ATP8A2: variants seen among roughly 807,000 people sequenced by gnomAD.
ATP8A2 encodes the protein ATPase phospholipid transporting 8A2.
In ATP8A2, 100 loss-of-function variants were observed where a neutral mutation model predicts 165.6. The observed-to-expected ratio is 0.60, with a 90% CI of 0.51 to 0.71. ATP8A2 has a LOEUF of 0.71. Among genes scored for constraint, ATP8A2 ranks in the 30% least tolerant of loss-of-function variants. The probability of loss-of-function intolerance (pLI) is 0.00; values close to 1 mark genes in which losing one functional copy is unlikely to be tolerated. For missense variants in ATP8A2, 1,227 were observed against 1,479.5 expected (o/e 0.83, Z 2.80); for synonymous variants, 543 against 548.8 (o/e 0.99, Z 0.15).
At chr13:25,688,042 A>G (rs17685787) in intron 24 of ATP8A2, among the ~76,000 whole-genome samples, 15,899 of 151,834 alleles carry the variant, frequency 0.1, 947 homozygotes, top group East Asian at 0.26. Flanking sequence ...GTGGCTCACC[A>G]TACTTTACAG....
intron 2 of ATP8A2, among the ~76,000 whole-genome samples, chr13:25,505,918 G>A (rs1470868984): frequency 3.3e-5 from 5 of 152,206 alleles, no homozygotes; most frequent in East Asian, 3.9e-4. Context: ...CACAAGACCC[G>A]CGATAGAGAA....
intron 29 of ATP8A2, 89 bp from the exon 30 acceptor site, chr13:25,839,457 G>A (rs1393173624): frequency 8.9e-6 from 8 of 897,590 alleles, no homozygotes; most frequent in Non-Finnish European, 1.5e-5. Context: ...GCACGGCCAG[G>A]ATCCTTCACA....
In ATP8A2 at chr13:25,372,716, C is replaced by G. The variant is rs1214914616; in HGVS notation, c.76+428C>G. ...GCCGGCGGCCGGCACCGCTGTGCTG[C>G]AGAGCTCAAAAGCAGAGGGGGAAAA... On this transcript the variant is annotated intron_variant, in intron 1 of 36. Coordinates refer to ENST00000381655, the MANE Select transcript of ATP8A2 (RefSeq NM_016529.6). The surrounding 1 kb of genome is among the most constrained non-coding windows in gnomAD (Gnocchi z 4.8). Among the ~76,000 whole-genome samples, 1 of 152,214 alleles carries G rather than the reference C, an allele frequency of 6.6e-6. No homozygotes were observed. The highest frequency in any genetic ancestry group is 1.5e-5 in the Non-Finnish European group (1 of 68,036).
At position 25,551,493 on chromosome 13, in the gene ATP8A2, C is replaced by G. The variant is rs774697383; in HGVS notation, c.1047C>G (p.Ile349Met). Residue 349 changes from isoleucine to methionine, a missense_variant, in exon 11 of 37, where the codon ATC (isoleucine) becomes ATG (methionine). Physicochemically the swap from Ile to Met is conservative, Grantham distance 10 (BLOSUM62 1). Coordinates refer to ENST00000381655, the MANE Select transcript of ATP8A2 (RefSeq NM_016529.6). ...NRSHGEKNWY[I>M]KKMDTTSDNF... ...CTCATGGTGAAAAGAACTGGTACAT[C>G]AAGAAGATGGGTAAGTGTCGGGGTG... The G allele has an allele frequency of 4.4e-6, 7 of 1,603,008 alleles. No individual in the cohort carries two copies. The highest frequency in any genetic ancestry group is 6.0e-6 in the Non-Finnish European group (7 of 1,171,854).
chr13:25,553,611 C>A (rs958451763), intron 11 of ATP8A2, among the ~76,000 whole-genome samples, 182 bp from the exon 12 acceptor site: 2 of 152,208 alleles, frequency 1.3e-5, no homozygotes, highest in Non-Finnish European at 2.9e-5. Context: ...CTCTCTTTAG[C>A]GGATGCATCC....
At chr13:25,909,330 A>G (rs1428730251) in intron 33 of ATP8A2, among the ~76,000 whole-genome samples, 1 of 152,238 alleles carries the variant, frequency 6.6e-6, no homozygotes, top group Non-Finnish European at 1.5e-5. Context: ...GAATGTGCTC[A>G]TTAGACTTAT....
chr13:25,663,537 G>A (rs536431915), intron 24 of ATP8A2, among the ~76,000 whole-genome samples: 2 of 152,000 alleles, frequency 1.3e-5, no homozygotes, highest in African/African-American at 4.8e-5. Flanking sequence ...GAGGTGCATT[G>A]GGCCACTGGC....
chr13:25,592,611 C>T (rs1307313311), intron 24 of ATP8A2, among the ~76,000 whole-genome samples: 1 of 152,184 alleles, frequency 6.6e-6, no homozygotes, highest in Non-Finnish European at 1.5e-5. Flanking sequence ...AGTGTCTGTA[C>T]TTGAGGCTTC....
At chr13:25,869,556 A>C (rs1449815244) in intron 33 of ATP8A2, among the ~76,000 whole-genome samples, 1 of 152,204 alleles carries the variant, frequency 6.6e-6, no homozygotes, top group Non-Finnish European at 1.5e-5. Flanking sequence ...TACTTGCGTT[A>C]TTTCTGAGCT....
chr13:25,399,177 T>C (rs1285033520), intron 1 of ATP8A2, among the ~76,000 whole-genome samples: 1 of 152,070 alleles, frequency 6.6e-6, no homozygotes, highest in Non-Finnish European at 1.5e-5. Flanking sequence ...ATGGCAGTGG[T>C]TCTTACACTG....
intron 24 of ATP8A2, among the ~76,000 whole-genome samples, chr13:25,618,967 C>T (rs1234759823): frequency 1.3e-5 from 2 of 152,112 alleles, no homozygotes; most frequent in Non-Finnish European, 2.9e-5. Flanking sequence ...GTTTTCCAGT[C>T]GTGGTAGGCT....
chr13:25,724,387 G>A (rs1005049424), intron 25 of ATP8A2, among the ~76,000 whole-genome samples: 1 of 152,178 alleles, frequency 6.6e-6, no homozygotes, highest in African/African-American at 2.4e-5. Flanking sequence ...CAGAGAGAGT[G>A]AACAGGCAGG....
At chr13:25,826,804 G>A (rs1054690922) in intron 27 of ATP8A2, among the ~76,000 whole-genome samples, 5 of 151,284 alleles carry the variant, frequency 3.3e-5, no homozygotes, top group Admixed American at 3.3e-4. Context: ...TTTCATGTTT[G>A]CTTCCTTCTA....
chr13:25,796,853 G>GT (rs1215153214), intron 27 of ATP8A2, among the ~76,000 whole-genome samples: 1 of 151,492 alleles, frequency 6.6e-6, no homozygotes, highest in African/African-American at 2.4e-5. Flanking sequence ...ATATTACTTG[G>GT]TTTTTTTTAA....
intron 35 of ATP8A2, among the ~76,000 whole-genome samples, chr13:25,995,940 A>G (rs1246768074): frequency 1.3e-5 from 2 of 152,186 alleles, no homozygotes; most frequent in Non-Finnish European, 2.9e-5. Context: ...TTAGCTTCAC[A>G]TATTTTGCAG....
At chr13:25,581,204 TAC>T (rs1183315961) in intron 22 of ATP8A2, among the ~76,000 whole-genome samples, 5 of 152,148 alleles carry the variant, frequency 3.3e-5, no homozygotes, top group Non-Finnish European at 7.3e-5. Flanking sequence ...AGGCCGTTTG[TAC>T]AGTCTCTGGA....
chr13:25,743,995 G>A lies in ATP8A2; in HGVS notation c.2385-25051G>A, dbSNP rs75237926. ...ATGACTACATCTACTACTTATGAAA[G>A]AAGTATGTACTGTCATTTGGAACAG... is the stretch of plus-strand genomic sequence containing the variant. On this transcript the variant is annotated intron_variant, in intron 25 of 36. Coordinates refer to ENST00000381655, the MANE Select transcript of ATP8A2 (RefSeq NM_016529.6). 3.9e-5 allele frequency among the ~76,000 whole-genome samples: 6 copies of A among 152,280 alleles called. No individual in the cohort carries two copies. In the East Asian group the frequency reaches 1.2e-3, roughly 29 times the overall value.
intron 35 of ATP8A2, among the ~76,000 whole-genome samples, chr13:26,006,119 C>A (rs1956730997): frequency 6.6e-6 from 1 of 151,950 alleles, no homozygotes; most frequent in South Asian, 2.1e-4. Flanking sequence ...GTATTGCTAT[C>A]TTAACAGTAT....
chr13:25,622,059 A>G (rs2040982127), intron 24 of ATP8A2, among the ~76,000 whole-genome samples: 1 of 151,806 alleles, frequency 6.6e-6, no homozygotes, highest in African/African-American at 2.4e-5. Context: ...ATAAAACACT[A>G]CCTGGGCATG....
Sources: allele counts gnomAD v4.1 joint callset (sites outside exome capture counted in the v4.1 genomes callset), GRCh38; gene constraint gnomAD v4.1.1; non-coding constraint Gnocchi (gnomAD v3.1); transcripts MANE v1.5; gene names NCBI Gene and HGNC (gene_info 2026-07-23, HGNC 2026-07-21).